ERCC1: variants seen among roughly 807,000 people sequenced by gnomAD.
The protein encoded by ERCC1 is DNA excision repair protein ERCC-1.
Under a neutral mutation model 37.6 loss-of-function variants are expected in ERCC1, and 36 were observed. The observed-to-expected ratio is 0.96, with a 90% CI of 0.73 to 1.26. ERCC1 has a LOEUF of 1.26. Among genes scored for constraint, ERCC1 ranks in the 50% most tolerant of loss-of-function variants. The probability of loss-of-function intolerance (pLI) is 0.00; values close to 1 mark genes in which losing one functional copy is unlikely to be tolerated. For synonymous variants in ERCC1, 156 were observed against 162.1 expected, an observed-to-expected ratio of 0.96 and a Z score of 0.28; for missense variants, 349 against 376.5, an observed-to-expected ratio of 0.93 and a Z score of 0.60.
chr19:45,416,760 T>A, intron 6 of ERCC1, 61 bp downstream of exon 6: 1 of 1,290,698 alleles, frequency 7.7e-7, no homozygotes, highest in East Asian at 2.3e-5. Flanking sequence ...CAGGGTGGGA[T>A]GGGGGAGCAG....
chr19:45,421,037 T>C, intron 3 of ERCC1, 141 bp downstream of exon 3: 3 of 763,598 alleles, frequency 3.9e-6, no homozygotes, highest in Non-Finnish European at 6.8e-6. Context: ...CACACACTGC[T>C]GTCGAATGAA....
At chr19:45,413,795 C>G in intron 8 of ERCC1, 50 bp from the exon 9 acceptor site, 1 of 1,610,490 alleles carries the variant, frequency 6.2e-7, no homozygotes, top group Non-Finnish European at 8.5e-7. Context: ...AAAGCCTCCC[C>G]TGTCCCAGCT....
chr19:45,434,968 A>T (rs1236229724), intron 1 of ERCC1, among the ~76,000 whole-genome samples: 1 of 151,184 alleles, frequency 6.6e-6, no homozygotes, highest in Non-Finnish European at 1.5e-5. Context: ...TTTTTAGTAG[A>T]GATGGGGTTT....
rs3212961 is a variant in ERCC1 at position 45,419,065 on chromosome 19, G to T, written c.525+33C>A. 0.15 allele frequency: 224,598 copies of T among 1,450,612 alleles called. 21,052 individuals carry two copies. The highest frequency in any genetic ancestry group is 0.47 in the East Asian group (19,143 of 40,666). 89.9% of individuals were successfully genotyped at this position (1,450,612 alleles called of 1,614,324 possible). On this transcript the variant is annotated intron_variant, in intron 5 of 9. Transcript: ENST00000300853. ...AGCCCACTGCACAACCTCAAAGCCC[G>T]GTGAGGCTGGCTAGGGAGCAGCCCC...
chr19:45,445,046 T>G (rs545192051), intron 1 of ERCC1, among the ~76,000 whole-genome samples: 1 of 152,180 alleles, frequency 6.6e-6, no homozygotes, highest in Non-Finnish European at 1.5e-5. Flanking sequence ...GAGAGGAGTT[T>G]CGCTCTGTGG....
In ERCC1 at chr19:45,407,427, T is replaced by C. The variant is rs1406486800; in HGVS notation, c.*2248A>G. ...GGAGAAACCCACAGCCCTTTGTTAG[T>C]ATTTCTACTTATAAGAAACTATAAG... is the stretch of plus-strand genomic sequence containing the variant. On this transcript the variant is annotated 3_prime_UTR_variant, in exon 10 of 10. Transcript: ENST00000300853. 1.8e-6 allele frequency: 1 copy of C among 562,326 alleles called. No individual in the cohort carries two copies. The highest frequency in any genetic ancestry group is 2.0e-5 in the African/African-American group (1 of 51,082). 34.8% of individuals were successfully genotyped at this position (562,326 alleles called of 1,614,324 possible). A position where few individuals can be genotyped will look rare whatever the true frequency, so the allele number is the denominator to read the frequency against.
At position 45,420,373 on chromosome 19, in the gene ERCC1, C is replaced by T. The variant is rs374992813; in HGVS notation, c.376G>A (p.Val126Ile). ...TGGCCCAGCACATAGTCGGGAATTA[C>T]GTCGCCAAATTCCCAGGGCACATTG... ...VRNVPWEFGD[V>I]IPDYVLGQST... Residue 126 changes from valine to isoleucine, a missense_variant, in exon 4 of 10, where the codon GTA becomes ATA. Physicochemically the swap from Val to Ile is conservative, Grantham distance 29. Coordinates refer to ENST00000300853, the MANE Select transcript of ERCC1 (RefSeq NM_001983.4). This position sits in a 1 kb window ranked among gnomAD's most constrained non-coding sequence, Gnocchi z 4.8. 3.3e-5 allele frequency: 54 copies of T among 1,613,782 alleles called. No homozygotes were observed. Among genetic ancestry groups the T allele is most frequent in the African/African-American group, 6.7e-5 (5 of 74,926 alleles).
chr19:45,426,135 C>T (rs1002096406), upstream of ERCC1, among the ~76,000 whole-genome samples: 1 of 151,900 alleles, frequency 6.6e-6, no homozygotes, highest in Non-Finnish European at 1.5e-5. Flanking sequence ...AATCCCAGCA[C>T]TTTGGGAGGC....
intron 1 of ERCC1, among the ~76,000 whole-genome samples, chr19:45,430,534 A>G (rs1974806305): frequency 1.3e-5 from 2 of 152,148 alleles, no homozygotes; most frequent in Non-Finnish European, 2.9e-5. Flanking sequence ...CTGTGGAACC[A>G]AAAGCTAGGG....
Position 45,419,331 on chromosome 19 carries a change from G to GT in ERCC1, c.426-135dup, listed in dbSNP as rs1599832196. Reference sequence around the variant, plus strand: ...CAGAGGGTCCTGAGGCCCACAGAGGGTAAGTCACTTGCCCCAGGTCACTCT... The same window carrying GT: ...CAGAGGGTCCTGAGGCCCACAGAGGGTTAAGTCACTTGCCCCAGGTCACTCT... On this transcript the variant is annotated intron_variant, in intron 4 of 9. Coordinates refer to ENST00000300853, the MANE Select transcript of ERCC1 (RefSeq NM_001983.4). The GT allele has an allele frequency of 8.5e-6, 6 of 702,238 alleles. No homozygotes were observed. In the East Asian group the frequency reaches 1.6e-4, roughly 19 times the overall value. 43.5% of individuals were successfully genotyped at this position (702,238 alleles called of 1,614,324 possible).
rs1399434254 is a variant in ERCC1, at chr19:45,419,106, C to A, written c.517G>T (p.Val173Leu). The A allele has an allele frequency of 1.9e-6, 3 of 1,576,344 alleles. No individual in the cohort carries two copies. Among genetic ancestry groups the A allele is most frequent in the Non-Finnish European group, 1.7e-6 (2 of 1,159,586 alleles). Residue 173 changes from valine to leucine, a missense_variant, in exon 5 of 10, where the codon GTG becomes TTG. Physicochemically the swap from Val to Leu is conservative, Grantham distance 32. Transcript: ENST00000300853. Reference sequence around the variant, plus strand: ...GAGCAGCCCCTGCTTACCACATCCACCTGGACAAGCAGGACCCGCAAGGCG... The same window carrying A: ...GAGCAGCCCCTGCTTACCACATCCAACTGGACAAGCAGGACCCGCAAGGCG... ...NFALRVLLVQ[V>L]DVKDPQQALK...
At chr19:45,426,287 A>G (rs1568592707), upstream of ERCC1, among the ~76,000 whole-genome samples, 1 of 150,600 alleles carries the variant, frequency 6.6e-6, no homozygotes, top group Non-Finnish European at 1.5e-5. Flanking sequence ...GCTGAGGCAG[A>G]AGAATCGCTT....
chr19:45,449,571 C>T (rs574470014), intron 1 of ERCC1, among the ~76,000 whole-genome samples: 3 of 152,218 alleles, frequency 2.0e-5, no homozygotes, highest in Admixed American at 6.5e-5. Flanking sequence ...TAGGCTGAGG[C>T]GGGAGGATTG....
chr19:45,440,898 T>G (rs1975103594), intron 1 of ERCC1, among the ~76,000 whole-genome samples: 1 of 152,142 alleles, frequency 6.6e-6, no homozygotes, highest in Admixed American at 6.5e-5. Context: ...CACACCTGGC[T>G]AATTTTTCAT....
chr19:45,451,362 G>A (rs1021026319), intron 1 of ERCC1, among the ~76,000 whole-genome samples: 2 of 152,076 alleles, frequency 1.3e-5, no homozygotes, highest in Non-Finnish European at 2.9e-5. Context: ...CATTGTTGCG[G>A]TTGGGGTCCC....
chr19:45,444,445 AC>A (rs1975207736), intron 1 of ERCC1, among the ~76,000 whole-genome samples: 1 of 151,934 alleles, frequency 6.6e-6, no homozygotes, highest in South Asian at 2.1e-4. Flanking sequence ...TCTCCAGGCA[AC>A]AGGCCCCGCC....
At chr19:45,443,435 C>T (rs1018443635) in intron 1 of ERCC1, among the ~76,000 whole-genome samples, 13 of 152,306 alleles carry the variant, frequency 8.5e-5, no homozygotes, top group Admixed American at 3.3e-4. Context: ...GCTAAGAACA[C>T]CCCTCCCCAC....
chr19:45,415,635 C>CA (rs913880423), intron 6 of ERCC1, among the ~76,000 whole-genome samples: 10,586 of 45,058 alleles, frequency 0.23, 1,489 homozygotes, highest in East Asian at 0.47. Flanking sequence ...GACTCCGTCT[C>CA]AAAAAAAAAA....
At chr19:45,412,116 C>G (rs865848445) in intron 9 of ERCC1, among the ~76,000 whole-genome samples, 4 of 151,962 alleles carry the variant, frequency 2.6e-5, no homozygotes, top group African/African-American at 9.7e-5. Flanking sequence ...GCCTCGGCCT[C>G]CCAAAGTGTT....
Sources: gnomAD v4.1 joint callset for allele counts (sites outside exome capture counted in the v4.1 genomes callset) on GRCh38, gnomAD v4.1.1 for gene constraint, Gnocchi (gnomAD v3.1) non-coding constraint, MANE v1.5 for transcripts, NCBI Gene and HGNC (gene_info 2026-07-23, HGNC 2026-07-21) for gene names.